DNAH11: variants seen among roughly 807,000 people sequenced by gnomAD.
DNAH11 encodes axonemal beta dynein heavy chain 11.
DNAH11 carries 442 observed loss-of-function variants against 526.0 expected under a neutral mutation model. The ratio of observed to expected loss-of-function variants is 0.84; its 90% CI spans 0.78 to 0.91. The LOEUF (loss-of-function observed/expected upper bound fraction) is 0.91. Ranked by LOEUF, DNAH11 falls within the 40% of genes least tolerant of loss-of-function variation. The pLI is 0.00. For missense variants in DNAH11, 6,989 were observed against 5,448.7 expected, an observed-to-expected ratio of 1.28 and a Z score of -8.90; for synonymous variants, 2,461 against 1,935.9, an observed-to-expected ratio of 1.27 and a Z score of -7.12.
At chr7:21,647,573 G>T (rs1787418449) in intron 28 of DNAH11, among the ~76,000 whole-genome samples, 1 of 151,890 alleles carries the variant, frequency 6.6e-6, no homozygotes, top group Admixed American at 6.6e-5. Flanking sequence ...AGGACTACAG[G>T]CGCCTACCAC....
At chr7:21,897,409 T>TGCTGCCGTGGAGATGTCAAAA (rs1784556358) in intron 79 of DNAH11, among the ~76,000 whole-genome samples, 1 of 149,176 alleles carries the variant, frequency 6.7e-6, no homozygotes, top group African/African-American at 2.5e-5. Flanking sequence ...TCTTGTCAAA[T>TGCTGCCGTGGAGATGTCAAAA]GCTGCCGTGG....
intron 46 of DNAH11, among the ~76,000 whole-genome samples, chr7:21,737,682 C>G (rs1305753490): frequency 1.3e-5 from 2 of 152,186 alleles, no homozygotes; most frequent in Admixed American, 1.3e-4. Context: ...TGTGGTTGGA[C>G]AAACATGGGA....
Position 21,589,395 on chromosome 7 carries a change from G to T in DNAH11, c.2161G>T (p.Asp721Tyr). 2 of 1,598,496 alleles carry T rather than the reference G, an allele frequency of 1.3e-6. No homozygotes were observed. Among genetic ancestry groups the T allele is most frequent in the South Asian group, 2.3e-5 (2 of 87,436 alleles). The change falls in exon 12 of 82, where the codon GAC becomes TAC. Residue 721 changes from aspartate (D) to tyrosine (Y), a missense_variant. Coordinates refer to ENST00000409508, the MANE Select transcript of DNAH11 (RefSeq NM_001277115.2). ...AINGLLCVNF[D>Y]PKLVAVLREV... ...AAATGGTCTTCTCTGTGTCAATTTT[G>T]ACCCAAAGGTAGGGATTTGATTTTT... is the stretch of plus-strand genomic sequence containing the variant.
chr7:21,845,879 A>T (rs149636832), intron 66 of DNAH11, among the ~76,000 whole-genome samples: 2 of 152,208 alleles, frequency 1.3e-5, no homozygotes, highest in Non-Finnish European at 2.9e-5. Context: ...AACATGCAAT[A>T]TCTCTCCATT....
chr7:21,821,883 G>A (rs985762835), intron 65 of DNAH11, among the ~76,000 whole-genome samples: 1 of 151,934 alleles, frequency 6.6e-6, no homozygotes, highest in African/African-American at 2.4e-5. Flanking sequence ...TTCCTGGCCT[G>A]TTGTAACCAC....
chr7:21,872,535 T>C (rs903123823), intron 73 of DNAH11, among the ~76,000 whole-genome samples: 5 of 152,218 alleles, frequency 3.3e-5, no homozygotes, highest in South Asian at 2.1e-4. Context: ...CCAGAGAACA[T>C]GTAAGGTGCA....
chr7:21,567,531 T>C (rs1357900626), intron 6 of DNAH11, among the ~76,000 whole-genome samples: 1 of 152,202 alleles, frequency 6.6e-6, no homozygotes, highest in African/African-American at 2.4e-5. Context: ...CAGCCTCCAC[T>C]GAAAACTCAG....
intron 32 of DNAH11, among the ~76,000 whole-genome samples, chr7:21,684,255 A>T (rs570384569): frequency 4.5e-4 from 69 of 152,302 alleles, no homozygotes; most frequent in African/African-American, 1.6e-3. Context: ...AGTGTACAAT[A>T]ACTAGGAATT....
At position 21,744,942 on chromosome 7, in the gene DNAH11, C is replaced by T. The variant is rs1562522535; in HGVS notation, c.8389C>T (p.His2797Tyr). The change falls in exon 51 of 82, where the codon CAT becomes TAT. Residue 2797 changes from histidine (H) to tyrosine (Y), a missense_variant. Transcript: ENST00000409508. ...CTTTGCTGATAGAGGGAAGGACCCA[C>T]ATTACATGCCAGTGAAGGACTGGGA... Reference protein sequence around the residue: ...CHFADRGKDPHYMPVKDWEVL... With the variant: ...CHFADRGKDPYYMPVKDWEVL... 1.9e-6 allele frequency: 3 copies of T among 1,610,594 alleles called. No homozygotes were observed. The highest frequency in any genetic ancestry group is 1.1e-5 in the South Asian group (1 of 90,086).
intron 25 of DNAH11, among the ~76,000 whole-genome samples, chr7:21,622,265 A>T (rs1054180683): frequency 6.6e-6 from 1 of 152,178 alleles, no homozygotes; most frequent in Admixed American, 6.5e-5. Flanking sequence ...CTTACAAGGG[A>T]TGTGAAGGAC....
intron 35 of DNAH11, among the ~76,000 whole-genome samples, chr7:21,692,023 A>G (rs1436858698): frequency 6.6e-6 from 1 of 152,240 alleles, no homozygotes; most frequent in African/African-American, 2.4e-5. Flanking sequence ...GTAAGAGAAC[A>G]TGTGTTGCTA....
chr7:21,628,989 T>C (rs1470665378), intron 25 of DNAH11, among the ~76,000 whole-genome samples: 1 of 152,122 alleles, frequency 6.6e-6, no homozygotes, highest in Non-Finnish European at 1.5e-5. Context: ...TTGAGGTGTA[T>C]TGTTAGGTTG....
intron 71 of DNAH11, 27 bp downstream of exon 71, chr7:21,866,690 A>T (rs1562592931): frequency 6.3e-7 from 1 of 1,587,352 alleles, no homozygotes; most frequent in Non-Finnish European, 8.6e-7. Flanking sequence ...TTTTGGAAAC[A>T]TGTATTAGTT....
chr7:21,573,176 G>T (rs1258160430), intron 8 of DNAH11, among the ~76,000 whole-genome samples: 1 of 152,154 alleles, frequency 6.6e-6, no homozygotes, highest in Non-Finnish European at 1.5e-5. Flanking sequence ...CATGCCAAAG[G>T]TCCTGATTTT....
chr7:21,837,375 C>T (rs1782034828), intron 65 of DNAH11, among the ~76,000 whole-genome samples: 1 of 152,094 alleles, frequency 6.6e-6, no homozygotes, highest in Non-Finnish European at 1.5e-5. Flanking sequence ...TATATATACA[C>T]AATGGAATAC....
chr7:21,708,217 G>T (rs989623321), intron 40 of DNAH11, among the ~76,000 whole-genome samples: 1 of 152,182 alleles, frequency 6.6e-6, no homozygotes, highest in African/African-American at 2.4e-5. Context: ...CATGTTGCCT[G>T]CCCTGAGAGT....
intron 34 of DNAH11, among the ~76,000 whole-genome samples, chr7:21,689,448 A>G (rs962599622): frequency 2.0e-4 from 30 of 152,172 alleles, no homozygotes; most frequent in Non-Finnish European, 3.5e-4. Context: ...AATTCTCTGT[A>G]CACATGAAGA....
intron 65 of DNAH11, among the ~76,000 whole-genome samples, chr7:21,831,122 G>A (rs545526632): frequency 6.6e-6 from 1 of 152,248 alleles, no homozygotes; most frequent in South Asian, 2.1e-4. Context: ...GATGGATTAA[G>A]GTTAACCTCT....
At chr7:21,686,252 A>C (rs1394047462) in intron 32 of DNAH11, among the ~76,000 whole-genome samples, 1 of 152,214 alleles carries the variant, frequency 6.6e-6, no homozygotes. Flanking sequence ...AGGTGTGTTG[A>C]TGTCAAAAGA....
Sources: allele counts gnomAD v4.1 joint callset (sites outside exome capture counted in the v4.1 genomes callset), GRCh38; gene constraint gnomAD v4.1.1; transcripts MANE v1.5; gene names NCBI Gene and HGNC (gene_info 2026-07-23, HGNC 2026-07-21).